PEX5L: variants seen among roughly 807,000 people sequenced by gnomAD.
PEX5L encodes the protein PEX5-related protein.
A neutral mutation model predicts 84.0 loss-of-function variants in PEX5L; 30 were observed. The ratio of observed to expected loss-of-function variants is 0.36; its 90% confidence interval spans 0.27 to 0.48. The LOEUF is 0.48. Ranked by LOEUF, PEX5L falls within the 20% of genes least tolerant of loss-of-function variation. The probability of loss-of-function intolerance (pLI) is 0.99; values close to 1 mark genes in which losing one functional copy is unlikely to be tolerated. For missense variants in PEX5L, 533 were observed against 754.6 expected, an observed-to-expected ratio of 0.71 and a Z score of 3.44; for synonymous variants, 270 against 283.1, an observed-to-expected ratio of 0.95 and a Z score of 0.46.
At chr3:179,925,997 C>T (rs548096204) in intron 2 of PEX5L, among the ~76,000 whole-genome samples, 13 of 152,228 alleles carry the variant, frequency 8.5e-5, no homozygotes, top group African/African-American at 2.9e-4. Flanking sequence ...CAATCTCCCC[C>T]CTCCAAATGT....
chr3:179,870,044 C>A (rs1262684653), intron 7 of PEX5L, among the ~76,000 whole-genome samples: 1 of 152,110 alleles, frequency 6.6e-6, no homozygotes, highest in Non-Finnish European at 1.5e-5. Flanking sequence ...ATGAACTTTA[C>A]CAGGCTGAAA....
intron 1 of PEX5L, among the ~76,000 whole-genome samples, chr3:180,021,268 A>G (rs7615924): frequency 0.2 from 30,916 of 152,116 alleles, 3,582 homozygotes; most frequent in African/African-American, 0.32. Flanking sequence ...TTCAAAATCT[A>G]GTAAGGTTAG....
intron 2 of PEX5L, among the ~76,000 whole-genome samples, chr3:179,908,517 G>A (rs942571546): frequency 8.5e-5 from 13 of 152,186 alleles, no homozygotes; most frequent in Middle Eastern, 6.8e-3. Context: ...TGTGCACAAC[G>A]TGCAGGTTTG....
intron 1 of PEX5L, among the ~76,000 whole-genome samples, chr3:179,979,155 A>G (rs1786077290): frequency 6.6e-6 from 1 of 152,184 alleles, no homozygotes. Flanking sequence ...TGAAATTTCA[A>G]TTATGTCAGA....
chr3:179,836,679 G>GGGTTTT (rs1161098145), intron 8 of PEX5L, among the ~76,000 whole-genome samples: 5 of 152,138 alleles, frequency 3.3e-5, no homozygotes, highest in African/African-American at 1.2e-4. Flanking sequence ...GCTTATTCAT[G>GGGTTTT]AATCACAAAT....
intron 2 of PEX5L, among the ~76,000 whole-genome samples, chr3:179,963,742 C>T (rs1000206639): frequency 3.3e-5 from 5 of 152,070 alleles, no homozygotes; most frequent in East Asian, 1.9e-4. Flanking sequence ...GGTGGCAATC[C>T]GCTGAAGCTG....
At chr3:179,846,091 ACC>A (rs1739222916) in intron 8 of PEX5L, among the ~76,000 whole-genome samples, 2 of 152,198 alleles carry the variant, frequency 1.3e-5, no homozygotes, top group South Asian at 2.1e-4. Context: ...AATCACTGGA[ACC>A]CTGGAGGCAG....
chr3:180,027,318 C>T (rs2108345984), intron 1 of PEX5L, among the ~76,000 whole-genome samples: 1 of 152,266 alleles, frequency 6.6e-6, no homozygotes, highest in East Asian at 1.9e-4. Context: ...GCCAGTGCCC[C>T]AATGTACTTT....
intron 8 of PEX5L, among the ~76,000 whole-genome samples, chr3:179,829,064 G>A (rs1425715958): frequency 6.6e-6 from 1 of 152,170 alleles, no homozygotes; most frequent in South Asian, 2.1e-4. Flanking sequence ...AATTTAAAAT[G>A]ACCTTTGAAA....
intron 1 of PEX5L, among the ~76,000 whole-genome samples, chr3:180,032,585 G>A (rs554571949): frequency 2.0e-5 from 3 of 152,198 alleles, no homozygotes; most frequent in African/African-American, 4.8e-5. Context: ...CGGGAGCTGC[G>A]GTTCATGCCT....
chr3:180,025,087 G>A (rs149348096), intron 1 of PEX5L, among the ~76,000 whole-genome samples: 64 of 152,218 alleles, frequency 4.2e-4, no homozygotes, highest in African/African-American at 1.3e-3. Context: ...GTGGAGTGTT[G>A]GTTAATTACA....
At chr3:179,808,803 C>A (rs1372513229) in intron 12 of PEX5L, among the ~76,000 whole-genome samples, 1 of 152,000 alleles carries the variant, frequency 6.6e-6, no homozygotes, top group Non-Finnish European at 1.5e-5. Flanking sequence ...CTAGGCCGGG[C>A]GTGGTGGCTC....
intron 2 of PEX5L, among the ~76,000 whole-genome samples, chr3:179,963,648 G>C (rs551032009): frequency 6.6e-6 from 1 of 152,218 alleles, no homozygotes; most frequent in East Asian, 1.9e-4. Flanking sequence ...TTTTAAAAAA[G>C]ATTATAAACA....
At chr3:179,990,627 T>C (rs1267645724) in intron 1 of PEX5L, among the ~76,000 whole-genome samples, 2 of 152,170 alleles carry the variant, frequency 1.3e-5, no homozygotes, top group Admixed American at 1.3e-4. Context: ...GGTCTTGAAC[T>C]CCTGGCCTCA....
intron 8 of PEX5L, among the ~76,000 whole-genome samples, chr3:179,824,770 G>T (rs1240962086): frequency 6.7e-6 from 1 of 149,902 alleles, no homozygotes; most frequent in Non-Finnish European, 1.5e-5. Context: ...AAACCACTAT[G>T]CAAGTTTGGA....
At chr3:179,856,951 T>C (rs956910408) in intron 8 of PEX5L, among the ~76,000 whole-genome samples, 1 of 152,242 alleles carries the variant, frequency 6.6e-6, no homozygotes, top group Non-Finnish European at 1.5e-5. Flanking sequence ...TTTGTCCAAA[T>C]TGGTCCTGTG....
intron 1 of PEX5L, among the ~76,000 whole-genome samples, chr3:180,007,212 C>T (rs1049498283): frequency 2.6e-5 from 4 of 152,160 alleles, no homozygotes; most frequent in African/African-American, 7.2e-5. Flanking sequence ...GTAACAGGAC[C>T]CATGCAAGTC....
intron 2 of PEX5L, among the ~76,000 whole-genome samples, chr3:179,940,535 C>G (rs1478664275): frequency 6.6e-6 from 1 of 152,096 alleles, no homozygotes; most frequent in Non-Finnish European, 1.5e-5. Context: ...TTCTTCAAAG[C>G]TTATGCCATC....
At chr3:179,883,243 C>G (rs918305360) in intron 4 of PEX5L, among the ~76,000 whole-genome samples, 1 of 152,110 alleles carries the variant, frequency 6.6e-6, no homozygotes, top group Non-Finnish European at 1.5e-5. Flanking sequence ...GACCACATGT[C>G]AGTCACCACT....
Sources: allele counts gnomAD v4.1 joint callset (sites outside exome capture counted in the v4.1 genomes callset), GRCh38; gene constraint gnomAD v4.1.1; transcripts MANE v1.5; gene names NCBI Gene and HGNC (gene_info 2026-07-23, HGNC 2026-07-21).